Variants in TDRD12 observed in about 807,000 individuals in gnomAD.
TDRD12 encodes the protein tudor domain containing 12.
TDRD12 carries 158 observed loss-of-function variants against 133.5 expected under a neutral mutation model. The observed-to-expected ratio is 1.18, with a 90% CI of 1.04 to 1.35. TDRD12 has a LOEUF of 1.35. Ranked by LOEUF, TDRD12 falls within the 40% of genes most tolerant of loss-of-function variation. The pLI, the probability that TDRD12 is intolerant of heterozygous loss-of-function variation, is 0.00. For synonymous variants in TDRD12, 460 were observed against 477.9 expected (o/e 0.96, Z 0.49); for missense variants, 1,443 against 1,321.3 (o/e 1.09, Z -1.43).
intron 11 of TDRD12, among the ~76,000 whole-genome samples, chr19:32,788,145 T>A (rs937290146): frequency 1.2e-3 from 187 of 151,890 alleles, no homozygotes; most frequent in African/African-American, 4.3e-3. Flanking sequence ...TTTTTTGAAA[T>A]GGAGTCTCGC....
intron 6 of TDRD12, among the ~76,000 whole-genome samples, 166 bp downstream of exon 6, chr19:32,750,035 C>T (rs1461783515): frequency 6.6e-6 from 1 of 152,078 alleles, no homozygotes; most frequent in East Asian, 1.9e-4. Context: ...GTGTTTTCTT[C>T]TTTTGATTAC....
intron 8 of TDRD12, among the ~76,000 whole-genome samples, chr19:32,766,582 G>A (rs1006429455): frequency 7.3e-5 from 11 of 151,142 alleles, no homozygotes; most frequent in African/African-American, 1.2e-4. Flanking sequence ...AGCACCTTTT[G>A]TGTTCCATTT....
chr19:32,800,868 G>A (rs1231502570), intron 18 of TDRD12, 96 bp downstream of exon 18: 1 of 1,273,404 alleles, frequency 7.9e-7, no homozygotes, highest in African/African-American at 1.5e-5. Flanking sequence ...TCTGTGGCAG[G>A]GAAGTAAAGT....
At chr19:32,724,427 A>C (rs551605746) in intron 1 of TDRD12, among the ~76,000 whole-genome samples, 1 of 152,134 alleles carries the variant, frequency 6.6e-6, no homozygotes, top group African/African-American at 2.4e-5. Flanking sequence ...CCCTGTGTCC[A>C]TGTGTTCTCA....
exon 1 of TDRD12, chr19:32,719,892 G>T: frequency 1.4e-6 from 1 of 700,822 alleles, no homozygotes; most frequent in Non-Finnish European, 2.4e-6. Context: ...CCCGGGGTCC[G>T]CGAGGGCTCC....
At chr19:32,825,975 C>T (rs908795137), downstream of TDRD12, 1 of 655,806 alleles carries the variant, frequency 1.5e-6, no homozygotes, top group Admixed American at 2.8e-5. This position sits in a 1 kb window ranked among gnomAD's most constrained non-coding sequence, Gnocchi z 4.1. Flanking sequence ...ACTCAATTTA[C>T]ACTTTTATGT....
intron 11 of TDRD12, among the ~76,000 whole-genome samples, chr19:32,785,875 CTT>C (rs1218750111): frequency 6.6e-6 from 1 of 152,070 alleles, no homozygotes; most frequent in Non-Finnish European, 1.5e-5. Context: ...GGTCTTGACT[CTT>C]TATCCAATTT....
At chr19:32,801,712 C>T in intron 18 of TDRD12, 44 bp from the exon 19 acceptor site, 1 of 725,160 alleles carries the variant, frequency 1.4e-6, no homozygotes, top group Non-Finnish European at 2.1e-6. Context: ...GGCTTCCAGC[C>T]TATATCCCTG....
In TDRD12 at chr19:32,749,853, C is replaced by T. The variant is rs1395404873; in HGVS notation, c.566C>T (p.Thr189Ile). 3.2e-6 allele frequency: 5 copies of T among 1,540,516 alleles called. No individual in the cohort carries two copies. Among genetic ancestry groups the T allele is most frequent in the Non-Finnish European group, 4.4e-6 (5 of 1,141,214 alleles). Residue 189 changes from threonine to isoleucine, a missense_variant, in exon 6 of 28, where the codon ACT (threonine) becomes ATT (isoleucine). Transcript: ENST00000444215. ...ACATTTGAGGTTTACCTTTATGTAA[C>T]TATAAAAGATGAAAAAGTAAGTGAA...
chr19:32,769,640 A>AT lies in TDRD12; in HGVS notation c.866-3100dup, dbSNP rs11330105. ...TAAGAAGTCACATACATTAATTGTG[A>AT]TTTTTTTTTTTTTGAGACAGAGTTT... On this transcript the variant is annotated intron_variant, in intron 8 of 27. Transcript: ENST00000444215. 8.6e-3 allele frequency among the ~76,000 whole-genome samples: 1,267 copies of AT among 147,360 alleles called. 16 individuals are homozygous for AT. Among genetic ancestry groups the AT allele is most frequent in the African/African-American group, 0.025 (990 of 40,316 alleles).
At chr19:32,733,023 G>C (rs1429710028) in intron 2 of TDRD12, among the ~76,000 whole-genome samples, 1 of 151,994 alleles carries the variant, frequency 6.6e-6, no homozygotes, top group African/African-American at 2.4e-5. Context: ...AAGATAAAAA[G>C]ATTAGTGGGC....
At position 32,767,817 on chromosome 19, in the gene TDRD12, A is replaced by C. The variant is rs760318935; in HGVS notation, c.866-4936A>C. On this transcript the variant is annotated intron_variant, in intron 8 of 27. Transcript: ENST00000444215. ...CTGGGAGAGGTTGTCCTCCTTTTGG[A>C]TTGCCAGGCTCCCACTAAAAATCAG... 9.2e-5 allele frequency among the ~76,000 whole-genome samples: 14 copies of C among 152,258 alleles called. 1 individual carries two copies. The highest frequency in any genetic ancestry group is 1.4e-4 in the African/African-American group (6 of 41,560).
chr19:32,771,313 G>A (rs1970436754), intron 8 of TDRD12, among the ~76,000 whole-genome samples: 1 of 152,158 alleles, frequency 6.6e-6, no homozygotes, highest in Non-Finnish European at 1.5e-5. Context: ...TGGGACTACA[G>A]GTGTGCGTCA....
chr19:32,806,339 T>C (rs1388117058), intron 21 of TDRD12, among the ~76,000 whole-genome samples: 1 of 146,128 alleles, frequency 6.8e-6, no homozygotes, highest in African/African-American at 2.6e-5. Context: ...AAGACCGAGT[T>C]TTTTTTTTTT....
In TDRD12 at chr19:32,757,125, C is replaced by T. The variant is rs1020575139; in HGVS notation, c.860C>T (p.Ala287Val). ...GGTGACCTCAGGCCAACAGCCACAG[C>T]ACAGGGTGAGTTCTGCTAATGTGGT... The change falls in exon 8 of 28, where the codon GCA (alanine) becomes GTA (valine). Residue 287 changes from alanine (A) to valine (V), a missense_variant. By Grantham distance (64) the Ala-to-Val change is moderately conservative. Transcript: ENST00000444215. The T allele has an allele frequency of 5.8e-6, 9 of 1,550,974 alleles. No homozygotes were observed. The Admixed American group carries it at 1.6e-4, about 27-fold the overall frequency.
intron 22 of TDRD12, among the ~76,000 whole-genome samples, chr19:32,809,523 A>G (rs1966924376): frequency 6.6e-6 from 1 of 151,996 alleles, no homozygotes; most frequent in Non-Finnish European, 1.5e-5. Flanking sequence ...CTCCCTTCAC[A>G]CAGAGCGTCT....
chr19:32,821,391 T>TGTGC, downstream of TDRD12: 1 of 427,378 alleles, frequency 2.3e-6, no homozygotes, highest in South Asian at 3.6e-5. Flanking sequence ...TGTGTGTGTG[T>TGTGC]GTGTGTGTGT....
At chr19:32,777,857 A>ATATATAT (rs1970651489) in intron 11 of TDRD12, among the ~76,000 whole-genome samples, 2 of 20,044 alleles carry the variant, frequency 1.0e-4, no homozygotes, top group Non-Finnish European at 1.6e-4. Flanking sequence ...ATATATATAT[A>ATATATAT]TTTTTTTTTT....
At chr19:32,800,389 G>C in intron 17 of TDRD12, 31 bp downstream of exon 17, 1 of 1,387,214 alleles carries the variant, frequency 7.2e-7, no homozygotes, top group Non-Finnish European at 9.5e-7. Context: ...ATGTGTATGT[G>C]TGTGTGTGTG....
Sources: gnomAD v4.1 joint callset for allele counts (sites outside exome capture counted in the v4.1 genomes callset) on GRCh38, gnomAD v4.1.1 for gene constraint, Gnocchi (gnomAD v3.1) non-coding constraint, MANE v1.5 for transcripts, NCBI Gene and HGNC (gene_info 2026-07-23, HGNC 2026-07-21) for gene names.